RNF213: variants seen among roughly 807,000 people sequenced by gnomAD.
The protein encoded by RNF213 is E3 ubiquitin-protein ligase RNF213.
Under a neutral mutation model 514.4 loss-of-function variants are expected in RNF213, and 341 were observed. The ratio of observed to expected loss-of-function variants is 0.66; its 90% CI spans 0.61 to 0.73. The LOEUF (loss-of-function observed/expected upper bound fraction) is 0.73, where lower values mean the gene tolerates loss of function less well. Ranked by LOEUF, RNF213 falls within the 30% of genes least tolerant of loss-of-function variation. The pLI, the probability that RNF213 is intolerant of heterozygous loss-of-function variation, is 0.00. For missense variants in RNF213, 5,767 were observed against 6,615.6 expected, an observed-to-expected ratio of 0.87 and a Z score of 4.45; for synonymous variants, 2,655 against 2,658.2, an observed-to-expected ratio of 1.00 and a Z score of 0.04.
chr17:80,302,282 T>C (rs1381655897), intron 11 of RNF213, among the ~76,000 whole-genome samples: 2 of 151,520 alleles, frequency 1.3e-5, no homozygotes, highest in African/African-American at 4.8e-5. Context: ...GGAGTTTGAA[T>C]GTTTCCAACA....
At chr17:80,381,978 T>C in intron 57 of RNF213, 1 of 517,884 alleles carries the variant, frequency 1.9e-6, no homozygotes, top group Non-Finnish European at 3.5e-6. Flanking sequence ...CACCCCTGCC[T>C]GGCTAAGACC....
chr17:80,355,263 G>A (rs1163042076), intron 36 of RNF213: 15 of 453,360 alleles, frequency 3.3e-5, no homozygotes, highest in Admixed American at 1.9e-4. Flanking sequence ...TGATAGGTTC[G>A]CTTTGGGCCT....
intron 15 of RNF213, chr17:80,316,147 G>C (rs2045942103): frequency 6.6e-6 from 1 of 152,156 alleles, no homozygotes; most frequent in Admixed American, 6.5e-5. Flanking sequence ...AACTCTTTAG[G>C]AAGCCTAGGT....
chr17:80,375,633 G>A, intron 50 of RNF213, 127 bp from the exon 51 acceptor site: 4 of 711,228 alleles, frequency 5.6e-6, no homozygotes, highest in Non-Finnish European at 1.0e-5. Context: ...AACCCGAGAG[G>A]CAGAGGTTGC....
At chr17:80,369,921 C>G in intron 46 of RNF213, 54 bp downstream of exon 46, 1 of 1,253,596 alleles carries the variant, frequency 8.0e-7, no homozygotes, top group Non-Finnish European at 1.2e-6. Flanking sequence ...TTCTCTTCAT[C>G]GCAGCGTTTT....
At chr17:80,310,071 C>T (rs2045514080) in intron 14 of RNF213, among the ~76,000 whole-genome samples, 1 of 151,772 alleles carries the variant, frequency 6.6e-6, no homozygotes, top group Admixed American at 6.6e-5. Context: ...ATCAGTTTTA[C>T]CTGTCTTCCA....
chr17:80,319,779 C>A (rs1209152581), intron 17 of RNF213: 1 of 1,253,238 alleles, frequency 8.0e-7, no homozygotes, highest in African/African-American at 1.5e-5. Flanking sequence ...GAGATTGTGC[C>A]CCCCTGTCTC....
rs1295046614 is a variant in RNF213, at chr17:80,374,496, C to G, written c.12981C>G (p.Tyr4327Ter). Residue 4327 changes from tyrosine to a stop codon, truncating the protein, a stop_gained, in exon 50 of 68, where the codon TAC becomes TAG. Coordinates refer to ENST00000582970, the MANE Select transcript of RNF213 (RefSeq NM_001256071.3). LOFTEE classifies it high-confidence loss of function. ...RQDHPGQMDR[Y>*]LVYGDEYKAL... ...ACCACCCAGGCCAGATGGATAGGTA[C>G]CTGGTGTACGGCGATGAATACAAGG... The G allele has an allele frequency of 6.2e-7, 1 of 1,614,200 alleles. No homozygotes were observed. The highest frequency in any genetic ancestry group is 8.5e-7 in the Non-Finnish European group (1 of 1,180,034).
chr17:80,290,420 T>TGC (rs1292906712), intron 6 of RNF213, 150 bp from the exon 7 acceptor site: 7 of 897,762 alleles, frequency 7.8e-6, no homozygotes, highest in South Asian at 1.4e-5. Flanking sequence ...TGTGCGTGTG[T>TGC]GCGAGTGTGC....
chr17:80,383,419 G>GA (rs1354407155), intron 58 of RNF213, among the ~76,000 whole-genome samples: 1 of 152,188 alleles, frequency 6.6e-6, no homozygotes, highest in Non-Finnish European at 1.5e-5. Context: ...GACAATCATA[G>GA]ATTAATTATT....
intron 14 of RNF213, 79 bp downstream of exon 14, chr17:80,309,250 A>G: frequency 5.8e-6 from 9 of 1,556,400 alleles, no homozygotes; most frequent in Non-Finnish European, 8.0e-6. Flanking sequence ...GAAAGGAAAC[A>G]GACTGATTCC....
At chr17:80,311,326 G>T (rs1467698281) in intron 14 of RNF213, among the ~76,000 whole-genome samples, 1 of 152,220 alleles carries the variant, frequency 6.6e-6, no homozygotes, top group Non-Finnish European at 1.5e-5. Context: ...GGAGAACAAG[G>T]TGCCCGTGTC....
In RNF213 at chr17:80,343,438, G is replaced by A; in HGVS notation, c.6183+113G>A. ...TCCTTGTTTCCACACGCACAGTCCTGTGAAGCTTAACAGTGGGAATGTGCT... is the reference window on the plus strand; with the variant it reads ...TCCTTGTTTCCACACGCACAGTCCTATGAAGCTTAACAGTGGGAATGTGCT... On this transcript the variant is annotated intron_variant, in intron 27 of 67. Coordinates refer to ENST00000582970, the MANE Select transcript of RNF213 (RefSeq NM_001256071.3). This position sits in a 1 kb window ranked among gnomAD's most constrained non-coding sequence, Gnocchi z 4.3. 1.0e-6 allele frequency: 1 copy of A among 969,370 alleles called. No individual in the cohort carries two copies. The highest frequency in any genetic ancestry group is 1.4e-5 in the South Asian group (1 of 72,012). 60.0% of individuals were successfully genotyped at this position (969,370 alleles called of 1,614,324 possible).
At chr17:80,362,213 A>G (rs2079082013) in intron 39 of RNF213, among the ~76,000 whole-genome samples, 1 of 152,358 alleles carries the variant, frequency 6.6e-6, no homozygotes, top group South Asian at 2.1e-4. Flanking sequence ...CTAACCCTAC[A>G]GGGTAAGAAT....
chr17:80,365,018 T>C (rs974669811), intron 42 of RNF213: 5 of 239,928 alleles, frequency 2.1e-5, no homozygotes, highest in Admixed American at 2.0e-4. Flanking sequence ...CCACCATGCC[T>C]GTCACTCAAC....
intron 52 of RNF213, 147 bp downstream of exon 52, chr17:80,376,690 C>A (rs2079774616): frequency 7.8e-7 from 1 of 1,284,108 alleles, no homozygotes; most frequent in Non-Finnish European, 1.1e-6. Context: ...CTTGAGCACA[C>A]AAGATAGTGA....
chr17:80,349,950 G>A (rs536321935), intron 30 of RNF213, 44 bp downstream of exon 30: 15 of 1,611,102 alleles, frequency 9.3e-6, no homozygotes, highest in East Asian at 2.2e-5. Flanking sequence ...CTCCCCAGCC[G>A]CAGCCGTGTG....
rs544383396 is a variant in RNF213 at position 80,389,984 on chromosome 17, T to C, written c.15286-28T>C. On this transcript the variant is annotated intron_variant, in intron 66 of 67. Coordinates refer to ENST00000582970, the MANE Select transcript of RNF213 (RefSeq NM_001256071.3). ...GCTCCCTTCTCCCTGCAGGCTTTAATGCTTCATTTGCTCTTCCGTCGTTTT... is the reference window on the plus strand; with the variant it reads ...GCTCCCTTCTCCCTGCAGGCTTTAACGCTTCATTTGCTCTTCCGTCGTTTT... The C allele has an allele frequency of 2.5e-6, 4 of 1,614,176 alleles. No homozygotes were observed. The African/African-American group carries it at 5.3e-5, about 22-fold the overall frequency.
chr17:80,375,983 G>C, intron 51 of RNF213, 113 bp downstream of exon 51: 1 of 879,418 alleles, frequency 1.1e-6, no homozygotes, highest in Non-Finnish European at 1.9e-6. Flanking sequence ...ATCTAGGATA[G>C]AGGTTCTCAA....
Sources: allele counts gnomAD v4.1 joint callset (sites outside exome capture counted in the v4.1 genomes callset), GRCh38; gene constraint gnomAD v4.1.1; non-coding constraint Gnocchi (gnomAD v3.1); transcripts MANE v1.5; gene names NCBI Gene and HGNC (gene_info 2026-07-23, HGNC 2026-07-21).